CACNA2D1: variants seen among roughly 807,000 people sequenced by gnomAD.
CACNA2D1 encodes the protein voltage-dependent calcium channel subunit alpha-2/delta-1.
Under a neutral mutation model 171.5 loss-of-function variants are expected in CACNA2D1, and 53 were observed. The observed-to-expected ratio is 0.31, with a 90% CI of 0.25 to 0.39. The LOEUF is 0.39. Ranked by LOEUF, CACNA2D1 falls within the 10% of genes least tolerant of loss-of-function variation. CACNA2D1 has a pLI of 1.00. For missense variants in CACNA2D1, 903 were observed against 1,299.8 expected, an observed-to-expected ratio of 0.69 and a Z score of 4.69; for synonymous variants, 442 against 443.1, an observed-to-expected ratio of 1.00 and a Z score of 0.03.
intron 12 of CACNA2D1, among the ~76,000 whole-genome samples, chr7:82,031,242 G>A (rs1295299432): frequency 6.6e-6 from 1 of 151,862 alleles, no homozygotes; most frequent in Non-Finnish European, 1.5e-5. Context: ...GCATCTAAAG[G>A]AGCCTACAGT....
intron 3 of CACNA2D1, among the ~76,000 whole-genome samples, chr7:82,226,150 C>A (rs932194330): frequency 6.6e-6 from 1 of 152,118 alleles, no homozygotes; most frequent in Non-Finnish European, 1.5e-5. Context: ...AGGTGAATAA[C>A]CATCTTATTT....
At chr7:82,163,850 G>A (rs921896381) in intron 4 of CACNA2D1, among the ~76,000 whole-genome samples, 1 of 151,876 alleles carries the variant, frequency 6.6e-6, no homozygotes, top group African/African-American at 2.4e-5. Context: ...GACAAACCCT[G>A]GGGTTTCTAG....
intron 3 of CACNA2D1, among the ~76,000 whole-genome samples, chr7:82,184,819 ACAT>A (rs1375044309): frequency 3.3e-5 from 5 of 152,214 alleles, no homozygotes; most frequent in African/African-American, 1.2e-4. Flanking sequence ...TCTCAGTTGA[ACAT>A]CATAATGAGA....
rs142353256 is a variant in CACNA2D1, at chr7:82,032,932, T to A, written c.1039-31A>T. The stretch of plus-strand genomic sequence containing the variant: ...AAAAACAAAACCAAACAAAACAATA[T>A]GCGTATTATTCACAATAAAAGAGAA... On this transcript the variant is annotated intron_variant, in intron 11 of 38. Coordinates refer to ENST00000356860, the MANE Select transcript of CACNA2D1 (RefSeq NM_000722.4). The A allele has an allele frequency of 1.0e-3, 1,175 of 1,120,594 alleles. 2 individuals carry two copies. The highest frequency in any genetic ancestry group is 1.3e-3 in the Non-Finnish European group (965 of 734,504). The allele number at this position is 1,120,594 out of a possible 1,614,324, so 69.4% of individuals were successfully genotyped here. A position where few individuals can be genotyped will look rare whatever the true frequency, so the allele number is the denominator to read the frequency against.
chr7:82,116,079 C>T (rs1192665885), intron 6 of CACNA2D1, among the ~76,000 whole-genome samples: 4 of 152,124 alleles, frequency 2.6e-5, no homozygotes, highest in Non-Finnish European at 5.9e-5. Flanking sequence ...CACTCTACCG[C>T]GTCTCAATTA....
intron 3 of CACNA2D1, among the ~76,000 whole-genome samples, chr7:82,199,292 AG>A (rs1347462779): frequency 2.0e-5 from 3 of 152,170 alleles, no homozygotes; most frequent in Admixed American, 6.6e-5. Flanking sequence ...GCTCACAATA[AG>A]AGCAGAAAAA....
intron 10 of CACNA2D1, among the ~76,000 whole-genome samples, chr7:82,054,142 A>C (rs1805532054): frequency 6.6e-6 from 1 of 152,230 alleles, no homozygotes; most frequent in African/African-American, 2.4e-5. Flanking sequence ...TTCTTTAGGA[A>C]ATAAATGTTA....
At chr7:82,109,262 T>A (rs924058805) in intron 6 of CACNA2D1, among the ~76,000 whole-genome samples, 1 of 152,054 alleles carries the variant, frequency 6.6e-6, no homozygotes, top group African/African-American at 2.4e-5. Context: ...AAAAAATCAA[T>A]AAACACAAAA....
intron 1 of CACNA2D1, among the ~76,000 whole-genome samples, chr7:82,425,016 T>G (rs1473970163): frequency 1.3e-5 from 2 of 152,172 alleles, no homozygotes; most frequent in Non-Finnish European, 2.9e-5. Context: ...TCTCCTTGAG[T>G]GTGAGTGGGG....
intron 4 of CACNA2D1, among the ~76,000 whole-genome samples, chr7:82,157,577 T>TA (rs1563133504): frequency 6.6e-6 from 1 of 152,034 alleles, no homozygotes; most frequent in South Asian, 2.1e-4. Flanking sequence ...TCAACATCTA[T>TA]GATACTAAAA....
rs1049961266 is a variant in CACNA2D1, at chr7:82,078,088, T to G, written c.658+6681A>C. Among the ~76,000 whole-genome samples, 6 of 152,218 alleles carry G rather than the reference T, an allele frequency of 3.9e-5. No homozygotes were observed. The East Asian group carries it at 1.2e-3, about 29-fold the overall frequency. Reference sequence around the variant, plus strand: ...TATTCCAGCAAAATCCTAGCAGAAATAGCAACAAGAAGATGTCTCTCAGAG... The same window carrying G: ...TATTCCAGCAAAATCCTAGCAGAAAGAGCAACAAGAAGATGTCTCTCAGAG... On this transcript the variant is annotated intron_variant, in intron 7 of 38. Coordinates refer to ENST00000356860, the MANE Select transcript of CACNA2D1 (RefSeq NM_000722.4).
At chr7:82,186,127 C>T (rs1222270477) in intron 3 of CACNA2D1, among the ~76,000 whole-genome samples, 1 of 146,246 alleles carries the variant, frequency 6.8e-6, no homozygotes, top group Non-Finnish European at 1.5e-5. Flanking sequence ...TTGCACTCCA[C>T]CCTAGGTGAC....
chr7:82,061,733 G>T (rs1806945096), intron 9 of CACNA2D1, among the ~76,000 whole-genome samples: 1 of 152,060 alleles, frequency 6.6e-6, no homozygotes, highest in Non-Finnish European at 1.5e-5. Flanking sequence ...GGGAGATTAG[G>T]GATTTTTCAA....
rs1422696625 is a variant in CACNA2D1, at chr7:81,947,616, A to C, written c.*2776T>G. The C allele has an allele frequency of 6.6e-6, 1 of 152,002 alleles. No individual in the cohort carries two copies. Among genetic ancestry groups the C allele is most frequent in the Non-Finnish European group, 1.5e-5 (1 of 67,892 alleles). The allele number at this position is 152,002 out of a possible 1,614,324, so 9.4% of individuals were successfully genotyped here. ...TCTGTTTTAGTGACTAACTACACTA[A>C]GCCACATGAGTATAACAAAAATTAG... On this transcript the variant is annotated 3_prime_UTR_variant, in exon 39 of 39. Transcript: ENST00000356860.
chr7:82,147,368 G>A (rs1026792268), intron 4 of CACNA2D1, among the ~76,000 whole-genome samples: 1 of 152,040 alleles, frequency 6.6e-6, no homozygotes, highest in African/African-American at 2.4e-5. Context: ...GAAGAGCAAA[G>A]GTAGAATATG....
rs143631985 is a variant in CACNA2D1 at position 81,950,402 on chromosome 7, C to T, written c.3266G>A (p.Arg1089His). 27 of 1,612,930 alleles carry T rather than the reference C, an allele frequency of 1.7e-5. No individual in the cohort carries two copies. Among genetic ancestry groups the T allele is most frequent in the African/African-American group, 1.2e-4 (9 of 74,762 alleles). ...LLWLVSGSTH[R>H]LL ...TTGGTTTTTAGAAGGTCATAACAGGCGGTGTGTGCTGCCAGATACCAGCCA... is the reference window on the plus strand; with the variant it reads ...TTGGTTTTTAGAAGGTCATAACAGGTGGTGTGTGCTGCCAGATACCAGCCA... The change falls in exon 39 of 39, where the codon CGC becomes CAC. Residue 1089 changes from arginine (R) to histidine (H), a missense_variant. By Grantham distance (29) the Arg-to-His change is conservative. Coordinates refer to ENST00000356860, the MANE Select transcript of CACNA2D1 (RefSeq NM_000722.4).
intron 3 of CACNA2D1, among the ~76,000 whole-genome samples, chr7:82,186,933 T>A (rs1343306953): frequency 1.3e-5 from 2 of 152,176 alleles, no homozygotes; most frequent in Non-Finnish European, 1.5e-5. Flanking sequence ...AGCTTTAATG[T>A]CACAAGAAAC....
chr7:81,955,745 C>T (rs927993712), intron 38 of CACNA2D1, among the ~76,000 whole-genome samples: 1 of 151,442 alleles, frequency 6.6e-6, no homozygotes, highest in Non-Finnish European at 1.5e-5. Context: ...CAATAATTGT[C>T]CATTGAGAAA....
chr7:82,362,125 C>T (rs529352042), intron 1 of CACNA2D1, among the ~76,000 whole-genome samples: 9 of 152,176 alleles, frequency 5.9e-5, no homozygotes, highest in Admixed American at 2.6e-4. Flanking sequence ...TAAGATGGCA[C>T]GCCCATGTAA....
Sources: allele counts gnomAD v4.1 joint callset (sites outside exome capture counted in the v4.1 genomes callset), GRCh38; gene constraint gnomAD v4.1.1; transcripts MANE v1.5; gene names NCBI Gene and HGNC (gene_info 2026-07-23, HGNC 2026-07-21).